The following IREB2 variants were observed in gnomAD, a reference collection of about 807,000 sequenced individuals.
The protein encoded by IREB2 is iron-responsive element-binding protein 2.
IREB2 carries 39 observed loss-of-function variants against 118.8 expected under a neutral mutation model. That is an observed-to-expected ratio of 0.33 (90% CI 0.25 to 0.43). The LOEUF is 0.43. IREB2 is among the 20% of genes least tolerant of loss of function. The pLI, the probability that IREB2 is intolerant of heterozygous loss-of-function variation, is 1.00. For missense variants in IREB2, 900 were observed against 1,147.3 expected (o/e 0.78, Z 3.11); for synonymous variants, 372 against 392.2 (o/e 0.95, Z 0.61).
In IREB2 at chr15:78,490,600, T is replaced by G; in HGVS notation, c.2182-19T>G. On this transcript the variant is annotated intron_variant, in intron 17 of 21. Transcript: ENST00000258886. ...GAAGTCTTGTAAAGAGTTAAATGCCTTGAACTTTTACCTTCTAGACCAAAG... is the reference window on the plus strand; with the variant it reads ...GAAGTCTTGTAAAGAGTTAAATGCCGTGAACTTTTACCTTCTAGACCAAAG... 1 of 1,613,342 alleles carries G rather than the reference T, an allele frequency of 6.2e-7. No individual in the cohort carries two copies.
At chr15:78,495,823 A>G (rs1359080375) in intron 20 of IREB2, among the ~76,000 whole-genome samples, 1 of 152,210 alleles carries the variant, frequency 6.6e-6, no homozygotes, top group Non-Finnish European at 1.5e-5. Flanking sequence ...TCTTTGTGGT[A>G]CTAAAATTTT....
At chr15:78,456,879 G>C (rs1475628813) in intron 2 of IREB2, among the ~76,000 whole-genome samples, 1 of 151,938 alleles carries the variant, frequency 6.6e-6, no homozygotes, top group Admixed American at 6.6e-5. Flanking sequence ...CCTCCATGTT[G>C]TTAAATTGCC....
chr15:78,490,339 A>G lies in IREB2; in HGVS notation c.2077-83A>G, dbSNP rs2051728879. 6.2e-6 allele frequency: 5 copies of G among 802,722 alleles called. No individual in the cohort carries two copies. In the South Asian group the frequency reaches 7.1e-5, roughly 11 times the overall value. The allele number at this position is 802,722 out of a possible 1,614,324, so 49.7% of individuals were successfully genotyped here. ...GTTGTTGTGACCTAAGTACTATTTTATTCCCTTGATCATTTTCATGCGCCT... is the reference window on the plus strand; with the variant it reads ...GTTGTTGTGACCTAAGTACTATTTTGTTCCCTTGATCATTTTCATGCGCCT... On this transcript the variant is annotated intron_variant, in intron 16 of 21. Transcript: ENST00000258886.
chr15:78,479,818 G>A lies in IREB2; in HGVS notation c.1296+1421G>A, dbSNP rs77447175. 8.0e-4 allele frequency among the ~76,000 whole-genome samples: 121 copies of A among 152,078 alleles called. No individual in the cohort carries two copies. In the East Asian group the frequency reaches 0.016, roughly 20 times the overall value. The stretch of plus-strand genomic sequence containing the variant: ...CTCCCGTGGTTCCACATCCTCAGGA[G>A]GCTGAGTAGGGACGATGGCTTGAGC... On this transcript the variant is annotated intron_variant, in intron 10 of 21. Transcript: ENST00000258886.
intron 13 of IREB2, among the ~76,000 whole-genome samples, chr15:78,486,168 G>T (rs2051656095): frequency 6.6e-6 from 1 of 152,214 alleles, no homozygotes; most frequent in Non-Finnish European, 1.5e-5. Context: ...CACAATTTCT[G>T]TGAGTTGTGT....
At chr15:78,456,686 T>C (rs897073614) in intron 2 of IREB2, among the ~76,000 whole-genome samples, 1 of 152,054 alleles carries the variant, frequency 6.6e-6, no homozygotes. Flanking sequence ...AAAAATACAT[T>C]TGTGATTAGT....
chr15:78,481,683 T>C (rs1304842490), intron 10 of IREB2: 1 of 151,358 alleles, frequency 6.6e-6, no homozygotes. Context: ...GTATTTTTAG[T>C]AGAGATGGGG....
Position 78,466,482 on chromosome 15 carries a change from G to A in IREB2, c.622G>A (p.Val208Met). The A allele has an allele frequency of 6.2e-7, 1 of 1,607,422 alleles. No individual in the cohort carries two copies. The highest frequency in any genetic ancestry group is 2.2e-5 in the East Asian group (1 of 44,848). ...PILCPFHLQP[V>M]PEPETVLKNQ... ...CCTGTGTCCTTTTCATTTGCAACCAGTGCCTGAGTATGAGATTGTTTTTCT... is the reference window on the plus strand; with the variant it reads ...CCTGTGTCCTTTTCATTTGCAACCAATGCCTGAGTATGAGATTGTTTTTCT... The change falls in exon 5 of 22, where the codon GTG becomes ATG. Residue 208 changes from valine to methionine, a missense_variant. Val to Met is a conservative substitution (Grantham distance 21). Coordinates refer to ENST00000258886, the MANE Select transcript of IREB2 (RefSeq NM_004136.4).
At chr15:78,455,340 G>T (rs1011263286) in intron 2 of IREB2, among the ~76,000 whole-genome samples, 8 of 152,158 alleles carry the variant, frequency 5.3e-5, no homozygotes, top group Non-Finnish European at 1.2e-4. Flanking sequence ...ATGTAGAGGT[G>T]AGATGGGGAG....
At chr15:78,491,269 C>G (rs2051745345) in intron 18 of IREB2, among the ~76,000 whole-genome samples, 1 of 152,080 alleles carries the variant, frequency 6.6e-6, no homozygotes, top group South Asian at 2.1e-4. Flanking sequence ...ACGTAAAGGC[C>G]ATTTATATTG....
upstream of IREB2, chr15:78,437,657 G>C (rs923742762): frequency 1.3e-5 from 2 of 152,772 alleles, no homozygotes; most frequent in Admixed American, 6.5e-5. Context: ...CGGAAGGATG[G>C]AGAGGCTTAA....
At chr15:78,485,325 A>G (rs955466888) in intron 12 of IREB2, among the ~76,000 whole-genome samples, 15 of 152,210 alleles carry the variant, frequency 9.9e-5, no homozygotes. Context: ...CATTGGAACA[A>G]TTCCTTAGTT....
intron 2 of IREB2, among the ~76,000 whole-genome samples, chr15:78,453,214 TC>T (rs1429175817): frequency 6.6e-6 from 1 of 152,198 alleles, no homozygotes; most frequent in Non-Finnish European, 1.5e-5. Flanking sequence ...AAAATTGTCT[TC>T]CAACAATATG....
Position 78,463,079 on chromosome 15 carries a change from A to G in IREB2, c.264A>G (p.Gln88=), listed in dbSNP as rs943197523. The G allele has an allele frequency of 1.3e-6, 2 of 1,598,076 alleles. No individual in the cohort carries two copies. The highest frequency in any genetic ancestry group is 1.4e-5 in the African/African-American group (1 of 73,856). Residue 88 remains glutamine, a synonymous_variant, in exon 3 of 22, where the codon CAA becomes CAG. Coordinates refer to ENST00000258886, the MANE Select transcript of IREB2 (RefSeq NM_004136.4). ...TTTTCCCTGCCCGTGTTCTTCTTCAAGATTTTACGTGAGTAATGGGTTTAT... is the reference window on the plus strand; with the variant it reads ...TTTTCCCTGCCCGTGTTCTTCTTCAGGATTTTACGTGAGTAATGGGTTTAT... ...VPFFPARVLL[Q]DFTGIPAMVD... is the part of the protein sequence containing the mutation.
At chr15:78,445,086 A>C (rs2050905855) in intron 2 of IREB2, among the ~76,000 whole-genome samples, 1 of 151,496 alleles carries the variant, frequency 6.6e-6, no homozygotes, top group Non-Finnish European at 1.5e-5. Flanking sequence ...CCACCCCATC[A>C]CACGCTTTTA....
chr15:78,476,982 A>C (rs538658069), intron 9 of IREB2, among the ~76,000 whole-genome samples: 1 of 152,136 alleles, frequency 6.6e-6, no homozygotes, highest in Non-Finnish European at 1.5e-5. Context: ...ATCATTGCTG[A>C]GTTACTCATT....
chr15:78,443,013 C>A (rs8041628), intron 2 of IREB2, among the ~76,000 whole-genome samples: 1 of 152,000 alleles, frequency 6.6e-6, no homozygotes, highest in African/African-American at 2.4e-5. Flanking sequence ...TCAAGGTCTT[C>A]TCTTACTCAT....
chr15:78,489,453 G>A (rs2051714029), intron 16 of IREB2, among the ~76,000 whole-genome samples: 1 of 152,102 alleles, frequency 6.6e-6, no homozygotes, highest in Non-Finnish European at 1.5e-5. Flanking sequence ...CTGGGGAGAG[G>A]CAAATAAGCT....
chr15:78,476,562 A>G (rs1022941022), intron 9 of IREB2: 7 of 387,112 alleles, frequency 1.8e-5, no homozygotes, highest in Admixed American at 1.2e-4. Context: ...ATTGAAAGCA[A>G]TTTAAAGGAA....
Sources: allele counts gnomAD v4.1 joint callset (sites outside exome capture counted in the v4.1 genomes callset), GRCh38; gene constraint gnomAD v4.1.1; transcripts MANE v1.5; gene names NCBI Gene and HGNC (gene_info 2026-07-23, HGNC 2026-07-21).